SLC16A11: variants seen among roughly 807,000 people sequenced by gnomAD.
SLC16A11 encodes the protein solute carrier family 16 member 11, also known as monocarboxylate transporter 11.
Under a neutral mutation model 26.0 loss-of-function variants are expected in SLC16A11, and 24 were observed. The observed-to-expected ratio is 0.92, with a 90% CI of 0.67 to 1.30. The LOEUF (loss-of-function observed/expected upper bound fraction) is 1.30, where lower values mean the gene tolerates loss of function less well. Among genes scored for constraint, SLC16A11 ranks in the 50% most tolerant of loss-of-function variants. The pLI, the probability that SLC16A11 is intolerant of heterozygous loss-of-function variation, is 0.00. For synonymous variants in SLC16A11, 332 were observed against 296.0 expected (o/e 1.12, Z -1.25); for missense variants, 638 against 597.7 (o/e 1.07, Z -0.70).
intron 2 of SLC16A11, 34 bp from the exon 3 acceptor site, chr17:7,043,107 C>G: frequency 1.3e-6 from 2 of 1,493,838 alleles, no homozygotes; most frequent in Non-Finnish European, 1.8e-6. Flanking sequence ...AAGACACGCC[C>G]CCGGGCCCCC....
chr17:7,043,017 C>A lies in SLC16A11; in HGVS notation c.259G>T (p.Gly87Trp). 1 of 1,593,258 alleles carries A rather than the reference C, an allele frequency of 6.3e-7. No individual in the cohort carries two copies. Among genetic ancestry groups the A allele is most frequent in the Non-Finnish European group, 8.5e-7 (1 of 1,169,990 alleles). Residue 87 changes from glycine (G) to tryptophan (W), a missense_variant, in exon 3 of 5, where the codon GGG becomes TGG. By Grantham distance (184) the Gly-to-Trp change is radical. Coordinates refer to ENST00000574600, the MANE Select transcript of SLC16A11 (RefSeq NM_001370549.1). ...RWGARPVVMV[G>W]GVLASLGFVF... The stretch of plus-strand genomic sequence containing the variant: ...AAGCCCAGCGAGGCGAGGACGCCCC[C>A]AACCATCACCACGGGGCGGGCCCCC...
chr17:7,041,728 A>G lies in SLC16A11; in HGVS notation c.1295T>C (p.Val432Ala), dbSNP rs748291159. Residue 432 changes from valine to alanine, a missense_variant, in exon 5 of 5, where the codon GTC becomes GCC. Val to Ala is a moderately conservative substitution (Grantham distance 64). Transcript: ENST00000574600. Reference sequence around the variant, plus strand: ...GCCAGGGCCTCCTGGGGACAGCAAGACTGCCTGGGGAGCGGGAAGCAGCTC... The same window carrying G: ...GCCAGGGCCTCCTGGGGACAGCAAGGCTGCCTGGGGAGCGGGAAGCAGCTC... ...TGELLPAPQAVLLSPGGPGST... is the reference protein window; with the variant it reads ...TGELLPAPQAALLSPGGPGST... 1 of 1,612,986 alleles carries G rather than the reference A, an allele frequency of 6.2e-7. No homozygotes were observed. The highest frequency in any genetic ancestry group is 8.5e-7 in the Non-Finnish European group (1 of 1,179,840).
chr17:7,042,797 C>T lies in SLC16A11; in HGVS notation c.347-34G>A. 1.3e-6 allele frequency: 2 copies of T among 1,546,266 alleles called. No homozygotes were observed. Among genetic ancestry groups the T allele is most frequent in the Non-Finnish European group, 1.7e-6 (2 of 1,147,592 alleles). The stretch of plus-strand genomic sequence containing the variant: ...GAATAGGAGGGGATGGGGGCCGGCA[C>T]TGGGGACGCCCGCCCCAGCATTCCC... On this transcript the variant is annotated intron_variant, in intron 3 of 4. Coordinates refer to ENST00000574600, the MANE Select transcript of SLC16A11 (RefSeq NM_001370549.1). This position sits in a 1 kb window ranked among gnomAD's most constrained non-coding sequence, Gnocchi z 5.9.
rs763644399 is a variant in SLC16A11 at position 7,042,537 on chromosome 17, T to A, written c.573A>T (p.Leu191=). The change falls in exon 4 of 5, where the codon CTA becomes CTT. Residue 191 remains leucine (L), a synonymous_variant. Transcript: ENST00000574600. The surrounding 1 kb of genome is among the most constrained non-coding windows in gnomAD (Gnocchi z 5.9). ...LHLTPCGALL[L]PLVLPGDPPA... ...GGGGGTCTCCAGGAAGGACCAGGGGTAGCAGCAGGGCGCCACAGGGGGTGA... is the reference window on the plus strand; with the variant it reads ...GGGGGTCTCCAGGAAGGACCAGGGGAAGCAGCAGGGCGCCACAGGGGGTGA... 4 of 1,571,524 alleles carry A rather than the reference T, an allele frequency of 2.5e-6. No homozygotes were observed. The East Asian group carries it at 9.2e-5, about 36-fold the overall frequency.
Position 7,043,006 on chromosome 17 carries a change from G to A in SLC16A11, c.270C>T (p.Leu90=), listed in dbSNP as rs148140861. 35 of 1,602,076 alleles carry A rather than the reference G, an allele frequency of 2.2e-5. No individual in the cohort carries two copies. Among genetic ancestry groups the A allele is most frequent in the Non-Finnish European group, 2.6e-5 (31 of 1,174,530 alleles). ...ARPVVMVGGV[L]ASLGFVFSAF... is the part of the protein sequence containing the mutation. ...CCGAGAAGACGAAGCCCAGCGAGGC[G>A]AGGACGCCCCCAACCATCACCACGG... The change falls in exon 3 of 5, where the codon CTC becomes CTT. Residue 90 remains leucine, a synonymous_variant. Transcript: ENST00000574600.
In SLC16A11 at chr17:7,042,479, C is replaced by G. The variant is rs779080430; in HGVS notation, c.631G>C (p.Gly211Arg). 9.0e-6 allele frequency: 14 copies of G among 1,558,530 alleles called. 1 individual carries two copies. The highest frequency in any genetic ancestry group is 1.7e-4 in the Middle Eastern group (1 of 5,998). Residue 211 changes from glycine (G) to arginine (R), a missense_variant, in exon 4 of 5, where the codon GGC becomes CGC. Transcript: ENST00000574600. This position sits in a 1 kb window ranked among gnomAD's most constrained non-coding sequence, Gnocchi z 5.9. ...APPRSPLAALGLSLFTRRAFS... is the reference protein window; with the variant it reads ...APPRSPLAALRLSLFTRRAFS... ...GCCCGGCGTGTGAACAGACTCAGGC[C>G]GAGGGCAGCTAGGGGACTACGCGGT...
In SLC16A11 at chr17:7,042,701, G is replaced by T. The variant is rs1910818445; in HGVS notation, c.409C>A (p.Arg137Ser). 1 of 1,549,470 alleles carries T rather than the reference G, an allele frequency of 6.5e-7. No individual in the cohort carries two copies. Among genetic ancestry groups the T allele is most frequent in the East Asian group, 2.3e-5 (1 of 42,554 alleles). The stretch of plus-strand genomic sequence containing the variant: ...GCCAGCCCCACCGCCAAGACTCGAC[G>T]GCGGGAGAAGTAACGCGAGAGGGTG... ...LGTLSRYFSR[R>S]RVLAVGLALT... Residue 137 changes from arginine (R) to serine (S), a missense_variant, in exon 4 of 5, where the codon CGT becomes AGT. By Grantham distance (110) the Arg-to-Ser change is moderately radical. Coordinates refer to ENST00000574600, the MANE Select transcript of SLC16A11 (RefSeq NM_001370549.1). This position sits in a 1 kb window ranked among gnomAD's most constrained non-coding sequence, Gnocchi z 5.9.
chr17:7,043,307 C>G lies in SLC16A11; in HGVS notation c.202+5G>C. On this transcript the variant is annotated splice_donor_5th_base_variant and intron_variant, in intron 2 of 4. Transcript: ENST00000574600. ...TCCTGTCTCCCGCCTCAGGGCCCCC[C>G]TCACTGGCTGCCTGCTGCACGGCCA... The G allele has an allele frequency of 1.9e-6, 3 of 1,602,180 alleles. No homozygotes were observed. The highest frequency in any genetic ancestry group is 2.6e-6 in the Non-Finnish European group (3 of 1,175,336).
Position 7,042,258 on chromosome 17 carries a change from G to A in SLC16A11, c.852C>T (p.Leu284=). The A allele has an allele frequency of 1.9e-6, 3 of 1,577,846 alleles. No individual in the cohort carries two copies. The highest frequency in any genetic ancestry group is 2.4e-5 in the East Asian group (1 of 42,228). The change falls in exon 4 of 5, where the codon CTC becomes CTT. Residue 284 remains leucine (L), a synonymous_variant. Coordinates refer to ENST00000574600, the MANE Select transcript of SLC16A11 (RefSeq NM_001370549.1). The surrounding 1 kb of genome is among the most constrained non-coding windows in gnomAD (Gnocchi z 5.9). ...GWLADQGWVP[L]PRLLAVFGAL... The stretch of plus-strand genomic sequence containing the variant: ...CCCCGAATACGGCCAGCAGCCGCGG[G>A]AGGGGCACCCAGCCTTGGTCTGCCA...
At position 7,041,658 on chromosome 17, in the gene SLC16A11, G is replaced by A; in HGVS notation, c.*21C>T. Reference sequence around the variant, plus strand: ...CCGATAAAAATTCTTTATTGGGGGAGGGGCTCAAACAAGAAAATAATCAAC... The same window carrying A: ...CCGATAAAAATTCTTTATTGGGGGAAGGGCTCAAACAAGAAAATAATCAAC... On this transcript the variant is annotated 3_prime_UTR_variant, in exon 5 of 5. Coordinates refer to ENST00000574600, the MANE Select transcript of SLC16A11 (RefSeq NM_001370549.1). 1 of 1,556,374 alleles carries A rather than the reference G, an allele frequency of 6.4e-7. No homozygotes were observed.
At position 7,042,779 on chromosome 17, in the gene SLC16A11, A is replaced by G. The variant is rs771768656; in HGVS notation, c.347-16T>C. The G allele has an allele frequency of 2.6e-6, 4 of 1,541,474 alleles. No homozygotes were observed. The highest frequency in any genetic ancestry group is 3.5e-6 in the Non-Finnish European group (4 of 1,145,990). On this transcript the variant is annotated splice_polypyrimidine_tract_variant and intron_variant, in intron 3 of 4. Transcript: ENST00000574600. The surrounding 1 kb of genome is among the most constrained non-coding windows in gnomAD (Gnocchi z 5.9). ...CAACCAAAGCCTGCGAATGAATAGG[A>G]GGGGATGGGGGCCGGCACTGGGGAC...
chr17:7,042,963 G>A lies in SLC16A11; in HGVS notation c.313C>T (p.Leu105=), dbSNP rs1189336822. 13 of 1,612,772 alleles carry A rather than the reference G, an allele frequency of 8.1e-6. No homozygotes were observed. In the Admixed American group the frequency reaches 1.5e-4, roughly 19 times the overall value. Residue 105 remains leucine (L), a synonymous_variant, in exon 3 of 5, where the codon CTG becomes TTG. Coordinates refer to ENST00000574600, the MANE Select transcript of SLC16A11 (RefSeq NM_001370549.1). The surrounding 1 kb of genome is among the most constrained non-coding windows in gnomAD (Gnocchi z 5.9). ...FVFSAFASDL[L]HLYLGLGLLA... is the part of the protein sequence containing the mutation. ...AGGCCCAGGCCGAGGTAGAGATGCA[G>A]CAGATCGCTGGCGAAAGCCGAGAAG...
chr17:7,042,686 C>T lies in SLC16A11; in HGVS notation c.424G>A (p.Val142Met). ...RYFSRRRVLA[V>M]GLALTGNGAS... Reference sequence around the variant, plus strand: ...CCGTTGCCGGTGAGCGCCAGCCCCACCGCCAAGACTCGACGGCGGGAGAAG... The same window carrying T: ...CCGTTGCCGGTGAGCGCCAGCCCCATCGCCAAGACTCGACGGCGGGAGAAG... Residue 142 changes from valine (V) to methionine (M), a missense_variant, in exon 4 of 5, where the codon GTG becomes ATG. Coordinates refer to ENST00000574600, the MANE Select transcript of SLC16A11 (RefSeq NM_001370549.1). This position sits in a 1 kb window ranked among gnomAD's most constrained non-coding sequence, Gnocchi z 5.9. 1 of 1,553,272 alleles carries T rather than the reference C, an allele frequency of 6.4e-7. No homozygotes were observed. The highest frequency in any genetic ancestry group is 8.7e-7 in the Non-Finnish European group (1 of 1,153,454).
Position 7,042,150 on chromosome 17 carries a change from G to A in SLC16A11, c.960C>T (p.Ala320=), listed in dbSNP as rs751647274. ...CGCTCAGCCCATAGGCCACAGCCGCGGCCAGCAGGGGACCCCCCCAGCTCT... is the reference window on the plus strand; with the variant it reads ...CGCTCAGCCCATAGGCCACAGCCGCAGCCAGCAGGGGACCCCCCCAGCTCT... ...GEESWGGPLL[A]AAVAYGLSAG... Residue 320 remains alanine (A), a synonymous_variant, in exon 4 of 5, where the codon GCC becomes GCT. Transcript: ENST00000574600. This position sits in a 1 kb window ranked among gnomAD's most constrained non-coding sequence, Gnocchi z 5.9. 6.3e-7 allele frequency: 1 copy of A among 1,581,190 alleles called. No individual in the cohort carries two copies. The highest frequency in any genetic ancestry group is 1.1e-5 in the South Asian group (1 of 87,936).
Position 7,043,486 on chromosome 17 carries a change from C to G in SLC16A11, c.28G>C (p.Asp10His). The change falls in exon 2 of 5, where the codon GAT becomes CAT. Residue 10 changes from aspartate (D) to histidine (H), a missense_variant. Transcript: ENST00000574600. ...GCCACCACCCAGCCCCAGCCCCCAT[C>G]CGGGGGTCCGGCGGGCTGGGGGGTC... The part of the protein sequence containing the change: MTPQPAGPP[D>H]GGWGWVVAAA... 1 of 1,598,370 alleles carries G rather than the reference C, an allele frequency of 6.3e-7. No individual in the cohort carries two copies. Among genetic ancestry groups the G allele is most frequent in the Non-Finnish European group, 8.5e-7 (1 of 1,177,878 alleles).
At position 7,042,301 on chromosome 17, in the gene SLC16A11, C is replaced by T; in HGVS notation, c.809G>A (p.Arg270Gln). The change falls in exon 4 of 5, where the codon CGG becomes CAG. Residue 270 changes from arginine (R) to glutamine (Q), a missense_variant. Transcript: ENST00000574600. The surrounding 1 kb of genome is among the most constrained non-coding windows in gnomAD (Gnocchi z 5.9). ...GTCTGCCAGCCACCCGCAGACCAGC[C>T]GGGCGCCCGCATCCCCCATCGCAGC... Reference protein sequence around the residue: ...AVAAMGDAGARLVCGWLADQG... With the variant: ...AVAAMGDAGAQLVCGWLADQG... 1 of 1,552,114 alleles carries T rather than the reference C, an allele frequency of 6.4e-7. No homozygotes were observed. Among genetic ancestry groups the T allele is most frequent in the Non-Finnish European group, 8.7e-7 (1 of 1,147,970 alleles).
In SLC16A11 at chr17:7,042,612, A is replaced by C. The variant is rs1272740472; in HGVS notation, c.498T>G (p.Thr166=). Residue 166 remains threonine, a synonymous_variant, in exon 4 of 5, where the codon ACT becomes ACG. Transcript: ENST00000574600. The surrounding 1 kb of genome is among the most constrained non-coding windows in gnomAD (Gnocchi z 5.9). ...LAPALQLLLD[T]FGWRGALLLL... ...GGAGCAGAGCGCCCCGCCAGCCGAA[A>C]GTATCGAGAAGAAGCTGCAAGGCGG... The C allele has an allele frequency of 1.9e-6, 3 of 1,584,840 alleles. No individual in the cohort carries two copies. The Admixed American group carries it at 5.6e-5, about 30-fold the overall frequency.
Position 7,042,858 on chromosome 17 carries a change from G to A in SLC16A11, c.346+72C>T. 6.3e-7 allele frequency: 1 copy of A among 1,599,956 alleles called. No homozygotes were observed. Among genetic ancestry groups the A allele is most frequent in the Non-Finnish European group, 8.5e-7 (1 of 1,173,832 alleles). On this transcript the variant is annotated intron_variant, in intron 3 of 4. Coordinates refer to ENST00000574600, the MANE Select transcript of SLC16A11 (RefSeq NM_001370549.1). This position sits in a 1 kb window ranked among gnomAD's most constrained non-coding sequence, Gnocchi z 5.9. ...TCCGCACCAGGCCCCCGCCTCGTTC[G>A]CTACCCCAGATCCCAACAAGCTCCT... is the stretch of plus-strand genomic sequence containing the variant.
Position 7,041,790 on chromosome 17 carries a change from T to C in SLC16A11, c.1233A>G (p.Pro411=), listed in dbSNP as rs1910747512. ...GLPRALPSCG[P]ASPPATPPPE... is the part of the protein sequence containing the mutation. ...GGGGAGGCGTGGCTGGAGGGGAGGC[T>C]GGACCACAGGAGGGCAGCGCCCTGG... The change falls in exon 5 of 5, where the codon CCA becomes CCG. Residue 411 remains proline, a synonymous_variant. Transcript: ENST00000574600. The C allele has an allele frequency of 1.2e-5, 20 of 1,613,496 alleles. No individual in the cohort carries two copies. Among genetic ancestry groups the C allele is most frequent in the Non-Finnish European group, 1.7e-5 (20 of 1,179,934 alleles).
Sources: gnomAD v4.1 joint callset for allele counts on GRCh38, gnomAD v4.1.1 for gene constraint, Gnocchi (gnomAD v3.1) non-coding constraint, MANE v1.5 for transcripts, NCBI Gene and HGNC (gene_info 2026-07-23, HGNC 2026-07-21) for gene names.